Variants in PCDHGA1 observed in about 807,000 individuals in gnomAD.
PCDHGA1 encodes the protein protocadherin gamma-A1.
PCDHGA1 carries 32 observed loss-of-function variants against 58.0 expected under a neutral mutation model. That is an observed-to-expected ratio of 0.55 (90% CI 0.42 to 0.74). PCDHGA1 has a LOEUF of 0.74. Ranked by LOEUF, PCDHGA1 falls within the 30% of genes least tolerant of loss-of-function variation. The pLI is 0.00. For synonymous variants in PCDHGA1, 498 were observed against 501.1 expected, an observed-to-expected ratio of 0.99 and a Z score of 0.08; for missense variants, 1,205 against 1,182.3, an observed-to-expected ratio of 1.02 and a Z score of -0.28.
chr5:141,390,340 A>T (rs762864171), intron 1 of PCDHGA1: 2 of 1,586,842 alleles, frequency 1.3e-6, no homozygotes, highest in South Asian at 2.3e-5. Context: ...CCATATTCAC[A>T]AGAAAATATA....
intron 1 of PCDHGA1, chr5:141,340,069 T>G: frequency 1.2e-6 from 2 of 1,614,080 alleles, no homozygotes; most frequent in Non-Finnish European, 1.7e-6. Flanking sequence ...GAACCATAAT[T>G]GGGCTTTTTA....
rs762770481 is a variant in PCDHGA1, at chr5:141,432,320, G to GACT, written c.2422-62484_2422-62482dup. On this transcript the variant is annotated intron_variant, in intron 1 of 3. Coordinates refer to ENST00000517417, the MANE Select transcript of PCDHGA1 (RefSeq NM_018912.3). This position sits in a 1 kb window ranked among gnomAD's most constrained non-coding sequence, Gnocchi z 6.0. ...GGTACTGTATGCGCTGAGCTCCTTC[G>GACT]ACTACGAGCAGTTCCGAGACTTGCA... is the stretch of plus-strand genomic sequence containing the variant. The GACT allele has an allele frequency of 2.6e-5, 42 of 1,614,238 alleles. No individual in the cohort carries two copies. The highest frequency in any genetic ancestry group is 3.6e-5 in the Non-Finnish European group (42 of 1,180,038).
At chr5:141,335,749 G>A (rs1198851960) in intron 1 of PCDHGA1, among the ~76,000 whole-genome samples, 1 of 152,110 alleles carries the variant, frequency 6.6e-6, no homozygotes, top group Non-Finnish European at 1.5e-5. Context: ...AAATTGCAAA[G>A]TACCAATAAT....
chr5:141,418,869 T>A (rs1261615662), intron 1 of PCDHGA1: 1 of 1,613,830 alleles, frequency 6.2e-7, no homozygotes, highest in Non-Finnish European at 8.5e-7. Flanking sequence ...ATTGTAGAAG[T>A]TGTAGACGAA....
rs1449032006 is a variant in PCDHGA1 at position 141,438,617 on chromosome 5, TATATATATATATATATATAC to T, written c.2422-56188_2422-56169del. 2.9e-3 allele frequency among the ~76,000 whole-genome samples: 107 copies of T among 37,156 alleles called. 1 individual carries two copies. Among genetic ancestry groups the T allele is most frequent in the South Asian group, 0.015 (15 of 996 alleles). 24.4% of individuals were successfully genotyped at this position (37,156 alleles called of 152,430 possible). On this transcript the variant is annotated intron_variant, in intron 1 of 3. Transcript: ENST00000517417. Reference sequence around the variant, plus strand: ...ATATATATATATATATATATATATATATATATATATATATATATACACACACACACACACATATATGTATA... The same window carrying T: ...ATATATATATATATATATATATATATACACACACACACACATATATGTATA...
At chr5:141,393,124 T>C in intron 1 of PCDHGA1, 2 of 1,613,430 alleles carry the variant, frequency 1.2e-6, no homozygotes. Flanking sequence ...CGGTGTCTGA[T>C]AAATATTAAC....
chr5:141,374,117 G>C, intron 1 of PCDHGA1: 2 of 1,587,566 alleles, frequency 1.3e-6, no homozygotes, highest in Non-Finnish European at 1.7e-6. Context: ...GCAGCGCAGC[G>C]AGCAGGTCCT....
At chr5:141,450,772 C>T (rs544188262) in intron 1 of PCDHGA1, among the ~76,000 whole-genome samples, 1 of 151,944 alleles carries the variant, frequency 6.6e-6, no homozygotes, top group African/African-American at 2.4e-5. Flanking sequence ...CAGGCATGAG[C>T]CACCGTGCCC....
chr5:141,375,973 C>T (rs577451422), intron 1 of PCDHGA1: 6 of 1,613,256 alleles, frequency 3.7e-6, no homozygotes, highest in Non-Finnish European at 4.2e-6. Context: ...GCACGGCGCG[C>T]GCCCTGCTGG....
At chr5:141,508,927 A>C (rs1562237319) in intron 3 of PCDHGA1, among the ~76,000 whole-genome samples, 1 of 151,542 alleles carries the variant, frequency 6.6e-6, no homozygotes. Context: ...TTCCTTTTGG[A>C]GTTAATTAGG....
At chr5:141,424,668 A>G (rs1561816018) in intron 1 of PCDHGA1, 1 of 152,196 alleles carries the variant, frequency 6.6e-6, no homozygotes, top group Non-Finnish European at 1.5e-5. Flanking sequence ...AATTAAACTG[A>G]TTTAGCTAGT....
At chr5:141,469,468 G>A (rs62379200) in intron 1 of PCDHGA1, among the ~76,000 whole-genome samples, 32,669 of 151,998 alleles carry the variant, frequency 0.21, 3,638 homozygotes, top group African/African-American at 0.27. Context: ...TCAGCTACTC[G>A]GGAGGCTGAG....
rs1382741412 is a variant in PCDHGA1 at position 141,350,638 on chromosome 5, T to C, written c.2421+17533T>C. 5.6e-6 allele frequency: 9 copies of C among 1,613,928 alleles called. No homozygotes were observed. In the African/African-American group the frequency reaches 1.2e-4, roughly 22 times the overall value. The stretch of plus-strand genomic sequence containing the variant: ...TTGTAATCCAAGATATTAATGACAA[T>C]GCACCACGTTTCGTTGCAAAAGGCA... On this transcript the variant is annotated intron_variant, in intron 1 of 3. Coordinates refer to ENST00000517417, the MANE Select transcript of PCDHGA1 (RefSeq NM_018912.3).
chr5:141,409,198 A>T, intron 1 of PCDHGA1: 1 of 1,614,010 alleles, frequency 6.2e-7, no homozygotes, highest in South Asian at 1.1e-5. Flanking sequence ...CCCAGTGTAA[A>T]GTAATCATAG....
At chr5:141,418,655 G>A in intron 1 of PCDHGA1, 5 of 1,614,002 alleles carry the variant, frequency 3.1e-6, no homozygotes, top group Non-Finnish European at 4.2e-6. Flanking sequence ...GAGAGTGAAG[G>A]CCACTGACCA....
chr5:141,429,232 G>T (rs938585192), intron 1 of PCDHGA1: 2 of 151,668 alleles, frequency 1.3e-5, no homozygotes, highest in Non-Finnish European at 2.9e-5. Flanking sequence ...TTATGATACT[G>T]CTGTCATTGA....
intron 1 of PCDHGA1, chr5:141,399,930 C>G (rs1168427748): frequency 6.2e-7 from 1 of 1,612,208 alleles, no homozygotes. Context: ...CCTGGCTGTC[C>G]TACCACGTGC....
At chr5:141,420,245 G>T (rs72790042) in intron 1 of PCDHGA1, 1 of 1,584,230 alleles carries the variant, frequency 6.3e-7, no homozygotes, top group East Asian at 2.2e-5. Flanking sequence ...AACTCCCAGC[G>T]TTGAAGCAGA....
chr5:141,494,510 C>T (rs1462702765), intron 1 of PCDHGA1, among the ~76,000 whole-genome samples: 1 of 152,156 alleles, frequency 6.6e-6, no homozygotes, highest in Non-Finnish European at 1.5e-5. Context: ...TGAATTTTGG[C>T]TCAGGAGTTC....
Sources: allele counts gnomAD v4.1 joint callset (sites outside exome capture counted in the v4.1 genomes callset), GRCh38; gene constraint gnomAD v4.1.1; non-coding constraint Gnocchi (gnomAD v3.1); transcripts MANE v1.5; gene names NCBI Gene and HGNC (gene_info 2026-07-23, HGNC 2026-07-21).